The following NAV2 variants were observed in gnomAD, a reference collection of about 807,000 sequenced individuals.
NAV2 encodes the protein helicase, APC down-regulated 1.
NAV2 carries 54 observed loss-of-function variants against 223.2 expected under a neutral mutation model. The ratio of observed to expected loss-of-function variants is 0.24; its 90% CI spans 0.19 to 0.30. NAV2 has a LOEUF of 0.30. Among genes scored for constraint, NAV2 ranks in the 10% least tolerant of loss-of-function variants. The probability of loss-of-function intolerance (pLI) is 1.00; values close to 1 mark genes in which losing one functional copy is unlikely to be tolerated. For synonymous variants in NAV2, 1,279 were observed against 1,239.3 expected (o/e 1.03, Z -0.67); for missense variants, 2,806 against 3,147.5 (o/e 0.89, Z 2.60).
intron 1 of NAV2, among the ~76,000 whole-genome samples, chr11:19,535,613 C>G (rs1420461242): frequency 6.6e-6 from 1 of 152,206 alleles, no homozygotes; most frequent in Non-Finnish European, 1.5e-5. Flanking sequence ...AATTAGTATT[C>G]TATTTATCCC....
upstream of NAV2, among the ~76,000 whole-genome samples, chr11:19,346,797 G>A (rs1454532196): frequency 6.6e-6 from 1 of 152,132 alleles, no homozygotes; most frequent in African/African-American, 2.4e-5. Flanking sequence ...AAACCACCAT[G>A]CCTCCTTGGT....
intron 11 of NAV2, among the ~76,000 whole-genome samples, chr11:20,007,418 G>T (rs1325737652): frequency 6.6e-6 from 1 of 152,234 alleles, no homozygotes; most frequent in African/African-American, 2.4e-5. Flanking sequence ...TGGAGGTGCA[G>T]GGCAAGTTTG....
intron 1 of NAV2, among the ~76,000 whole-genome samples, chr11:19,413,025 A>G (rs1850212486): frequency 1.3e-5 from 2 of 152,210 alleles, no homozygotes; most frequent in South Asian, 4.1e-4. Flanking sequence ...TTCCCCTACA[A>G]AGGATCACAA....
At chr11:19,585,089 A>ATAGT (rs1157088413) in intron 1 of NAV2, among the ~76,000 whole-genome samples, 1 of 152,180 alleles carries the variant, frequency 6.6e-6, no homozygotes, top group East Asian at 1.9e-4. Context: ...TATATTTAGG[A>ATAGT]TAGTTAGCTC....
chr11:20,102,521 T>C (rs2061712296), intron 32 of NAV2, among the ~76,000 whole-genome samples: 1 of 152,172 alleles, frequency 6.6e-6, no homozygotes, highest in South Asian at 2.1e-4. Context: ...ACTCACCTTC[T>C]AGGTTATTGT....
chr11:20,018,345 T>G (rs1170869735), intron 11 of NAV2, among the ~76,000 whole-genome samples: 2 of 107,310 alleles, frequency 1.9e-5, no homozygotes, highest in Non-Finnish European at 3.7e-5. Flanking sequence ...CAGAGTGAGA[T>G]TCCATCTCAA....
At chr11:19,932,236 CAAAAAAAAAAAAAAA>C (rs398015484) in intron 6 of NAV2, among the ~76,000 whole-genome samples, 1 of 78,988 alleles carries the variant, frequency 1.3e-5, no homozygotes, top group Non-Finnish European at 2.1e-5. Context: ...CACTCTTAAG[CAAAAAAAAAAAAAAA>C]AAAAAAAAAG....
At chr11:20,026,080 C>T (rs1415444510) in intron 11 of NAV2, among the ~76,000 whole-genome samples, 1 of 152,120 alleles carries the variant, frequency 6.6e-6, no homozygotes, top group African/African-American at 2.4e-5. Flanking sequence ...AAACACAGAC[C>T]TATTTTCATT....
At chr11:19,724,840 G>T (rs753217362) in intron 1 of NAV2, among the ~76,000 whole-genome samples, 1 of 152,208 alleles carries the variant, frequency 6.6e-6, no homozygotes, top group African/African-American at 2.4e-5. Flanking sequence ...AAGCCAGAGA[G>T]ACCTGGGTTA....
chr11:19,759,601 C>T (rs1054215007), intron 1 of NAV2, among the ~76,000 whole-genome samples: 5 of 152,214 alleles, frequency 3.3e-5, no homozygotes, highest in Middle Eastern at 3.4e-3. Context: ...CAACATGGAG[C>T]GGGGCCTCTG....
At chr11:20,093,031 C>CG in intron 28 of NAV2, 68 bp from the exon 29 acceptor site, 1 of 1,038,230 alleles carries the variant, frequency 9.6e-7, no homozygotes, top group Non-Finnish European at 1.5e-6. Flanking sequence ...CAACCTGCAG[C>CG]GGGGGTGTCA....
At chr11:19,891,617 A>G (rs2041504582) in intron 5 of NAV2, among the ~76,000 whole-genome samples, 1 of 152,346 alleles carries the variant, frequency 6.6e-6, no homozygotes, top group East Asian at 1.9e-4. Flanking sequence ...TTCAGCCTCA[A>G]AATAATGCCT....
chr11:19,539,243 T>C (rs746848042), intron 1 of NAV2, among the ~76,000 whole-genome samples: 2 of 152,234 alleles, frequency 1.3e-5, no homozygotes, highest in Non-Finnish European at 2.9e-5. Context: ...CAGGCATGAA[T>C]AGTTGAAGGG....
At chr11:19,862,631 C>T (rs2061856075) in intron 3 of NAV2, among the ~76,000 whole-genome samples, 2 of 152,162 alleles carry the variant, frequency 1.3e-5, no homozygotes, top group South Asian at 4.1e-4. Flanking sequence ...TTTCTGAGGT[C>T]CGCTTCTAAA....
intron 3 of NAV2, among the ~76,000 whole-genome samples, chr11:19,860,065 G>A (rs1358138464): frequency 1.6e-5 from 2 of 121,668 alleles, no homozygotes; most frequent in African/African-American, 3.2e-5. Context: ...ACTCCCTCCT[G>A]GACGGGGCGG....
intron 1 of NAV2, among the ~76,000 whole-genome samples, chr11:19,652,673 C>A (rs1012420285): frequency 6.6e-6 from 1 of 152,168 alleles, no homozygotes; most frequent in Non-Finnish European, 1.5e-5. Flanking sequence ...CCATGGCTGC[C>A]CTGAGTCTGC....
chr11:19,996,388 A>G (rs533572333), intron 11 of NAV2, among the ~76,000 whole-genome samples: 1 of 152,372 alleles, frequency 6.6e-6, no homozygotes, highest in South Asian at 2.1e-4. Context: ...CCTTCCAGGT[A>G]TCATTTTCCC....
chr11:19,906,163 C>T (rs1315408703), intron 6 of NAV2, among the ~76,000 whole-genome samples: 1 of 152,118 alleles, frequency 6.6e-6, no homozygotes, highest in Non-Finnish European at 1.5e-5. Flanking sequence ...TGAGACAACT[C>T]AGAATTCTCT....
intron 1 of NAV2, chr11:19,778,378 G>A (rs572506989): frequency 1.4e-3 from 639 of 455,128 alleles, no homozygotes; most frequent in Non-Finnish European, 2.3e-3. Context: ...ACTAGTGCCA[G>A]GATAAGAAAT....
Sources: allele counts gnomAD v4.1 joint callset (sites outside exome capture counted in the v4.1 genomes callset), GRCh38; gene constraint gnomAD v4.1.1; transcripts MANE v1.5; gene names NCBI Gene and HGNC (gene_info 2026-07-23, HGNC 2026-07-21).